Variants in IL18R1 observed in about 807,000 individuals in gnomAD.
IL18R1 encodes interleukin 18 receptor 1.
IL18R1 carries 40 observed loss-of-function variants against 48.5 expected under a neutral mutation model. The ratio of observed to expected loss-of-function variants is 0.82; its 90% CI spans 0.64 to 1.07. The LOEUF (loss-of-function observed/expected upper bound fraction) is 1.07. Among genes scored for constraint, IL18R1 ranks in the 50% least tolerant of loss-of-function variants. IL18R1 has a pLI of 0.00. For missense variants in IL18R1, 596 were observed against 633.7 expected (o/e 0.94, Z 0.64); for synonymous variants, 232 against 225.9 (o/e 1.03, Z -0.24).
At chr2:102,376,163 T>C in intron 5 of IL18R1, 100 bp downstream of exon 5, 1 of 1,009,878 alleles carries the variant, frequency 9.9e-7, no homozygotes, top group South Asian at 2.0e-5. Context: ...TCCACTTAGT[T>C]GGGGTTGTGA....
chr2:102,374,596 A>G (rs11465613), intron 4 of IL18R1, among the ~76,000 whole-genome samples: 10,123 of 152,010 alleles, frequency 0.067, 448 homozygotes, highest in Non-Finnish European at 0.084. Context: ...GGCTAATATG[A>G]TGAAACCCCG....
chr2:102,380,530 A>G (rs17027040), intron 5 of IL18R1, among the ~76,000 whole-genome samples: 1,842 of 152,216 alleles, frequency 0.012, 37 homozygotes, highest in African/African-American at 0.042. Flanking sequence ...CTGTTTGCCA[A>G]CATTCCAGGC....
chr2:102,387,942 A>T (rs933252541), intron 8 of IL18R1, among the ~76,000 whole-genome samples: 14 of 152,152 alleles, frequency 9.2e-5, no homozygotes, highest in Admixed American at 8.5e-4. Flanking sequence ...AGACACAGAG[A>T]CAGAGGAACA....
Position 102,398,309 on chromosome 2 carries a change from A to G in IL18R1, c.*1423A>G, listed in dbSNP as rs983838341. The G allele has an allele frequency of 2.6e-5, 4 of 152,364 alleles. No individual in the cohort carries two copies. The highest frequency in any genetic ancestry group is 9.6e-5 in the African/African-American group (4 of 41,464). The allele number at this position is 152,364 out of a possible 1,614,324, so 9.4% of individuals were successfully genotyped here. A position where few individuals can be genotyped will look rare whatever the true frequency, so the allele number is the denominator to read the frequency against. On this transcript the variant is annotated 3_prime_UTR_variant, in exon 11 of 11. Transcript: ENST00000233957. ...TAATAGCTATTCAAGAAAATCACCA[A>G]GTGACTGTGAAACCGTCAGTTCGGA... is the stretch of plus-strand genomic sequence containing the variant.
chr2:102,381,665 A>G lies in IL18R1; in HGVS notation c.671A>G (p.His224Arg). 1 of 1,611,834 alleles carries G rather than the reference A, an allele frequency of 6.2e-7. No homozygotes were observed. The highest frequency in any genetic ancestry group is 1.7e-5 in the Admixed American group (1 of 60,024). ...VPVLLGPKLN[H>R]VAVELGKNVR... The stretch of plus-strand genomic sequence containing the variant: ...GTTCTTCTTGGACCAAAGCTTAACC[A>G]TGTTGCAGTGGAATTAGGTATATTT... The change falls in exon 6 of 11, where the codon CAT becomes CGT. Residue 224 changes from histidine (H) to arginine (R), a missense_variant. Coordinates refer to ENST00000233957, the MANE Select transcript of IL18R1 (RefSeq NM_003855.5).
chr2:102,382,297 A>T (rs1180084906), intron 6 of IL18R1, among the ~76,000 whole-genome samples: 1 of 152,098 alleles, frequency 6.6e-6, no homozygotes, highest in East Asian at 1.9e-4. Flanking sequence ...AATAACAATA[A>T]TAAATTTAAA....
At chr2:102,367,692 A>G (rs1369733396) in intron 2 of IL18R1, 133 bp from the exon 3 acceptor site, 2 of 725,016 alleles carry the variant, frequency 2.8e-6, no homozygotes, top group Non-Finnish European at 2.2e-6. Context: ...ACCCACAGGA[A>G]ATTGACACCG....
At chr2:102,358,965 G>A (rs1292902016) in intron 1 of IL18R1, among the ~76,000 whole-genome samples, 1 of 152,134 alleles carries the variant, frequency 6.6e-6, no homozygotes, top group Non-Finnish European at 1.5e-5. Context: ...AGTGATAAGT[G>A]CTATGAATAG....
chr2:102,374,984 G>GA (rs1199752030), intron 4 of IL18R1, among the ~76,000 whole-genome samples: 2 of 152,084 alleles, frequency 1.3e-5, no homozygotes, highest in Non-Finnish European at 2.9e-5. Flanking sequence ...TCTATAGCTT[G>GA]AAAAAATTAG....
At position 102,363,494 on chromosome 2, in the gene IL18R1, C is replaced by T. The variant is rs77890249; in HGVS notation, c.58+776C>T. 3.0e-4 allele frequency among the ~76,000 whole-genome samples: 46 copies of T among 152,204 alleles called. No individual in the cohort carries two copies. The East Asian group carries it at 7.0e-3, about 23-fold the overall frequency. The stretch of plus-strand genomic sequence containing the variant: ...TGAGATCCCTGCAATGGAACCCTAC[C>T]CAGATGATAAAAGAATGAGGTAGAT... On this transcript the variant is annotated intron_variant, in intron 2 of 10. Coordinates refer to ENST00000233957, the MANE Select transcript of IL18R1 (RefSeq NM_003855.5).
chr2:102,357,490 CAAA>C (rs56719099), intron 1 of IL18R1, among the ~76,000 whole-genome samples: 1 of 137,594 alleles, frequency 7.3e-6, no homozygotes. Flanking sequence ...GACTCTATCT[CAAA>C]AAAAAAAAAG....
In IL18R1 at chr2:102,384,996, T is replaced by C; in HGVS notation, c.807T>C (p.Ile269=). The change falls in exon 7 of 11, where the codon ATT becomes ATC. Residue 269 remains isoleucine (I), a splice_region_variant and synonymous_variant. Transcript: ENST00000233957. ...PNIHEEKEMR[I]MTPEGKWHAS... is the part of the protein sequence containing the mutation. ...TACATGAAGAGAAAGAAATGAGAAT[T>C]ATGTATGTATGTGTAATATATATGT... is the stretch of plus-strand genomic sequence containing the variant. The C allele has an allele frequency of 2.8e-6, 4 of 1,429,640 alleles. No individual in the cohort carries two copies. Among genetic ancestry groups the C allele is most frequent in the Non-Finnish European group, 3.0e-6 (3 of 1,013,566 alleles). 88.6% of individuals were successfully genotyped at this position (1,429,640 alleles called of 1,614,324 possible). A position where few individuals can be genotyped will look rare whatever the true frequency, so the allele number is the denominator to read the frequency against.
chr2:102,397,240 T>C lies in IL18R1; in HGVS notation c.*354T>C, dbSNP rs2105140949. On this transcript the variant is annotated 3_prime_UTR_variant, in exon 11 of 11. Transcript: ENST00000233957. The stretch of plus-strand genomic sequence containing the variant: ...TACAAAAAGGGCGCATCTTTAAGAG[T>C]TTTAATGCCAGTGCTTAATTCGAAT... 1 of 194,124 alleles carries C rather than the reference T, an allele frequency of 5.2e-6. No individual in the cohort carries two copies. Among genetic ancestry groups the C allele is most frequent in the South Asian group, 1.4e-4 (1 of 6,938 alleles). 12.0% of individuals were successfully genotyped at this position (194,124 alleles called of 1,614,324 possible). A position where few individuals can be genotyped will look rare whatever the true frequency, so the allele number is the denominator to read the frequency against.
At chr2:102,358,809 C>T (rs1216156876) in intron 1 of IL18R1, among the ~76,000 whole-genome samples, 1 of 152,126 alleles carries the variant, frequency 6.6e-6, no homozygotes, top group Non-Finnish European at 1.5e-5. Flanking sequence ...CGTTAAAAAG[C>T]ATTTCAAAAG....
rs1433399855 is a variant in IL18R1, at chr2:102,397,578, A to G, written c.*692A>G. On this transcript the variant is annotated 3_prime_UTR_variant, in exon 11 of 11. Coordinates refer to ENST00000233957, the MANE Select transcript of IL18R1 (RefSeq NM_003855.5). ...AATAGCTCTTTATCTTTCACAAGAG[A>G]CACAAATTCTAATTGAGTTAATTAT... The G allele has an allele frequency of 6.6e-6, 1 of 152,378 alleles. No individual in the cohort carries two copies. The highest frequency in any genetic ancestry group is 2.4e-5 in the African/African-American group (1 of 41,460). The allele number at this position is 152,378 out of a possible 1,614,324, so 9.4% of individuals were successfully genotyped here. A position where few individuals can be genotyped will look rare whatever the true frequency, so the allele number is the denominator to read the frequency against.
In IL18R1 at chr2:102,396,650, T is replaced by G. The variant is rs760502365; in HGVS notation, c.1390T>G (p.Leu464Val). ...ACTTGAAAGTGGACTCCATGAAGCA[T>G]TGGTGGAAAGAAAAATTAAAATAAT... ...YELESGLHEA[L>V]VERKIKIILI... The change falls in exon 11 of 11, where the codon TTG becomes GTG. Residue 464 changes from leucine (L) to valine (V), a missense_variant. Leu to Val is a conservative substitution (Grantham distance 32, BLOSUM62 1). Transcript: ENST00000233957. 6.2e-7 allele frequency: 1 copy of G among 1,613,140 alleles called. No individual in the cohort carries two copies. The highest frequency in any genetic ancestry group is 1.1e-5 in the South Asian group (1 of 91,074).
intron 8 of IL18R1, among the ~76,000 whole-genome samples, chr2:102,387,680 C>T (rs541631407): frequency 2.0e-5 from 3 of 152,108 alleles, no homozygotes; most frequent in African/African-American, 7.2e-5. Context: ...TTCCCAGGCT[C>T]CACCATCAAC....
rs1439447526 is a variant in IL18R1, at chr2:102,372,553, A to T, written c.468+435A>T. ...TGCTTTTATAATATTTTAACTTTAA[A>T]ACTGAAAAATGAAGAAAGCAAAAAT... On this transcript the variant is annotated intron_variant, in intron 4 of 10. Transcript: ENST00000233957. 2.0e-5 allele frequency among the ~76,000 whole-genome samples: 3 copies of T among 152,218 alleles called. No homozygotes were observed. In the East Asian group the frequency reaches 5.8e-4, roughly 29 times the overall value.
chr2:102,387,789 A>G (rs908691740), intron 8 of IL18R1, among the ~76,000 whole-genome samples: 24 of 152,202 alleles, frequency 1.6e-4, no homozygotes, highest in African/African-American at 5.8e-4. Context: ...ACGGAGAGAG[A>G]CAGACACAGA....
Sources: allele counts gnomAD v4.1 joint callset (sites outside exome capture counted in the v4.1 genomes callset), GRCh38; gene constraint gnomAD v4.1.1; transcripts MANE v1.5; gene names NCBI Gene and HGNC (gene_info 2026-07-23, HGNC 2026-07-21).